The following CIITA variants were observed in gnomAD, a reference collection of about 807,000 sequenced individuals.
The protein encoded by CIITA is class II major histocompatibility complex transactivator.
In CIITA, 72 loss-of-function variants were observed where a neutral mutation model predicts 115.1. The observed-to-expected ratio is 0.63, with a 90% CI of 0.52 to 0.76. The LOEUF (loss-of-function observed/expected upper bound fraction) is 0.76. Among genes scored for constraint, CIITA ranks in the 30% least tolerant of loss-of-function variants. The probability of loss-of-function intolerance (pLI) is 0.00; values close to 1 mark genes in which losing one functional copy is unlikely to be tolerated. For missense variants in CIITA, 1,617 were observed against 1,463.8 expected, an observed-to-expected ratio of 1.10 and a Z score of -1.71; for synonymous variants, 763 against 635.6, an observed-to-expected ratio of 1.20 and a Z score of -3.02.
intron 1 of CIITA, among the ~76,000 whole-genome samples, chr16:10,886,601 G>T (rs74007572): frequency 4.6e-5 from 7 of 152,140 alleles, no homozygotes; most frequent in Non-Finnish European, 1.0e-4. Flanking sequence ...CCACAAACCC[G>T]TGTAACCAAC....
At chr16:10,908,625 A>C (rs2039342450) in intron 11 of CIITA, 1 of 435,436 alleles carries the variant, frequency 2.3e-6, no homozygotes, top group Non-Finnish European at 4.3e-6. Flanking sequence ...TCCTTCAGGG[A>C]CACTCCACCA....
At chr16:10,895,193 C>G in intron 1 of CIITA, 89 bp from the exon 2 acceptor site, 2 of 1,500,156 alleles carry the variant, frequency 1.3e-6, no homozygotes, top group South Asian at 2.3e-5. Flanking sequence ...TCATCCCCAG[C>G]CCTCACCAGC....
intron 10 of CIITA, among the ~76,000 whole-genome samples, chr16:10,905,509 C>G (rs952029693): frequency 5.3e-5 from 8 of 152,160 alleles, no homozygotes; most frequent in Admixed American, 3.3e-4. Flanking sequence ...GCCTGTAATC[C>G]CAGCACTTTG....
intron 5 of CIITA, among the ~76,000 whole-genome samples, chr16:10,900,132 TC>T (rs2038571230): frequency 6.6e-6 from 1 of 152,108 alleles, no homozygotes; most frequent in African/African-American, 2.4e-5. Flanking sequence ...TCCCTCCCAC[TC>T]CTGTTCTGTA....
At chr16:10,898,067 G>C (rs189873796) in intron 3 of CIITA, among the ~76,000 whole-genome samples, 16 of 152,238 alleles carry the variant, frequency 1.1e-4, no homozygotes, top group African/African-American at 3.9e-4. Flanking sequence ...CTGGTTCCAG[G>C]ATCCCTTCCT....
At chr16:10,900,551 C>G (rs1020651348) in intron 5 of CIITA, among the ~76,000 whole-genome samples, 10 of 151,764 alleles carry the variant, frequency 6.6e-5, no homozygotes, top group African/African-American at 2.4e-4. Context: ...ACCAGCCTGG[C>G]CAACATGGTG....
intron 14 of CIITA, 66 bp from the exon 15 acceptor site, chr16:10,916,301 T>G: frequency 6.6e-7 from 1 of 1,505,568 alleles, no homozygotes; most frequent in South Asian, 1.2e-5. Flanking sequence ...AGGCCCTCAC[T>G]GGGATGGGAA....
In CIITA at chr16:10,907,649, C is replaced by T. The variant is rs1264905958; in HGVS notation, c.2157C>T (p.Ala719=). 2 of 1,614,228 alleles carry T rather than the reference C, an allele frequency of 1.2e-6. No individual in the cohort carries two copies. Among genetic ancestry groups the T allele is most frequent in the Admixed American group, 1.7e-5 (1 of 60,030 alleles). ...TCCTCCTGCAATGCTTCCTGGGGGC[C>T]CTGTGGCTGGCTCTGAGTGGCGAAA... ...PSFLLQCFLG[A]LWLALSGEIK... Residue 719 remains alanine (A), a synonymous_variant, in exon 11 of 20, where the codon GCC becomes GCT. Transcript: ENST00000324288. This position sits in a 1 kb window ranked among gnomAD's most constrained non-coding sequence, Gnocchi z 5.0.
chr16:10,904,312 T>C (rs962814589), intron 9 of CIITA, among the ~76,000 whole-genome samples: 2 of 152,134 alleles, frequency 1.3e-5, no homozygotes, highest in Admixed American at 6.5e-5. Flanking sequence ...ACCTCCGCCC[T>C]ACAGGTTCAA....
At chr16:10,882,845 C>T (rs944721303) in intron 1 of CIITA, among the ~76,000 whole-genome samples, 11 of 151,444 alleles carry the variant, frequency 7.3e-5, no homozygotes, top group African/African-American at 2.2e-4. Context: ...TGCGGTGAGC[C>T]GAGATCACAC....
intron 1 of CIITA, among the ~76,000 whole-genome samples, chr16:10,869,299 C>T (rs1005062698): frequency 5.3e-5 from 8 of 152,242 alleles, no homozygotes; most frequent in South Asian, 2.1e-4. Context: ...TTGGCACCCT[C>T]GCTGTTCCTT....
In CIITA at chr16:10,866,489, T is replaced by C. The variant is rs779613657; in HGVS notation, c.-21+170T>C. 1.1e-5 allele frequency: 6 copies of C among 561,116 alleles called. No homozygotes were observed. In the East Asian group the frequency reaches 2.3e-4, roughly 22 times the overall value. 34.8% of individuals were successfully genotyped at this position (561,116 alleles called of 1,614,324 possible). A position where few individuals can be genotyped will look rare whatever the true frequency, so the allele number is the denominator to read the frequency against. ...TTGACCCTACTAGAGAAAGGAGACCTGGATTTGGCCCTCCTGGGGTGGGCC... is the reference window on the plus strand; with the variant it reads ...TTGACCCTACTAGAGAAAGGAGACCCGGATTTGGCCCTCCTGGGGTGGGCC... On this transcript the variant is annotated intron_variant, in intron 1 of 5. Transcript: ENST00000636238.
rs762576060 is a variant in CIITA at position 10,918,563 on chromosome 16, T to TG, written c.3149+43dup. ...CCCGGATACCGGTCAGGTGCTGAGC[T>TG]GGGGGGCTGCAGAGCGCAGGGAACC... is the stretch of plus-strand genomic sequence containing the variant. On this transcript the variant is annotated intron_variant, in intron 16 of 19. Coordinates refer to ENST00000324288, the MANE Select transcript of CIITA (RefSeq NM_000246.4). 1.7e-5 allele frequency: 27 copies of TG among 1,589,532 alleles called. No homozygotes were observed. In the South Asian group the frequency reaches 2.2e-4, roughly 13 times the overall value.
intron 14 of CIITA, 48 bp from the exon 15 acceptor site, chr16:10,916,319 A>T (rs759624728): frequency 2.5e-6 from 4 of 1,581,660 alleles, no homozygotes; most frequent in Non-Finnish European, 3.5e-6. Context: ...GAAGGGTCAG[A>T]TGGCCCCAGG....
intron 1 of CIITA, among the ~76,000 whole-genome samples, chr16:10,894,845 G>A (rs903269042): frequency 6.6e-6 from 1 of 152,182 alleles, no homozygotes; most frequent in African/African-American, 2.4e-5. Flanking sequence ...TCACCTCTCT[G>A]AGCCTCAGTT....
rs2145218610 is a variant in CIITA, at chr16:10,925,835, G to T, written c.*1980G>T. 6.6e-6 allele frequency: 1 copy of T among 152,336 alleles called. No individual in the cohort carries two copies. The highest frequency in any genetic ancestry group is 1.9e-4 in the East Asian group (1 of 5,188). The allele number at this position is 152,336 out of a possible 1,614,324, so 9.4% of individuals were successfully genotyped here. ...AATTAATTGTTTGGGGATGAGAAAG[G>T]TTGAAGCACCAAAAGCTTACCAAGG... On this transcript the variant is annotated 3_prime_UTR_variant, in exon 20 of 20. Transcript: ENST00000324288.
At position 10,929,144 on chromosome 16, in the gene CIITA, T is replaced by A. The variant is rs761029239; in HGVS notation, c.*5289T>A. On this transcript the variant is annotated 3_prime_UTR_variant, in exon 20 of 20. Coordinates refer to ENST00000324288, the MANE Select transcript of CIITA (RefSeq NM_000246.4). The surrounding 1 kb of genome is among the most constrained non-coding windows in gnomAD (Gnocchi z 4.3). Reference sequence around the variant, plus strand: ...TTCCTCAGCTTCTTTTTCTTCTGAGTCACCCCTGAAACAGTCGCTGCATCT... The same window carrying A: ...TTCCTCAGCTTCTTTTTCTTCTGAGACACCCCTGAAACAGTCGCTGCATCT... The A allele has an allele frequency of 2.7e-5, 24 of 903,016 alleles. No homozygotes were observed. Among genetic ancestry groups the A allele is most frequent in the Non-Finnish European group, 3.2e-5 (24 of 754,768 alleles). 55.9% of individuals were successfully genotyped at this position (903,016 alleles called of 1,614,324 possible).
rs139652297 is a variant in CIITA at position 10,889,251 on chromosome 16, T to G, written c.53-6031T>G. Among the ~76,000 whole-genome samples the G allele has an allele frequency of 6.9e-3, 1,044 of 152,302 alleles. 12 individuals carry two copies. The highest frequency in any genetic ancestry group is 0.024 in the African/African-American group (991 of 41,570). Reference sequence around the variant, plus strand: ...AGAAACAGTCCAATGAAGGGGCCTTTGAAGCACTTCCTAAGCATCTATAGA... The same window carrying G: ...AGAAACAGTCCAATGAAGGGGCCTTGGAAGCACTTCCTAAGCATCTATAGA... On this transcript the variant is annotated intron_variant, in intron 1 of 19. Transcript: ENST00000324288.
chr16:10,924,412 T>C lies in CIITA; in HGVS notation c.*557T>C, dbSNP rs1316645506. ...TCATGTCTGGCTAATTTTTCATTTT[T>C]AGTAGAGACAGGGTTTTGCCATGTT... On this transcript the variant is annotated 3_prime_UTR_variant, in exon 20 of 20. Transcript: ENST00000324288. 1.3e-5 allele frequency: 2 copies of C among 152,326 alleles called. No homozygotes were observed. Among genetic ancestry groups the C allele is most frequent in the African/African-American group, 4.8e-5 (2 of 41,436 alleles). The allele number at this position is 152,326 out of a possible 1,614,324, so 9.4% of individuals were successfully genotyped here. A position where few individuals can be genotyped will look rare whatever the true frequency, so the allele number is the denominator to read the frequency against.
Sources: gnomAD v4.1 joint callset for allele counts (sites outside exome capture counted in the v4.1 genomes callset) on GRCh38, gnomAD v4.1.1 for gene constraint, Gnocchi (gnomAD v3.1) non-coding constraint, MANE v1.5 for transcripts, NCBI Gene and HGNC (gene_info 2026-07-23, HGNC 2026-07-21) for gene names.